SPATA13: variants seen among roughly 807,000 people sequenced by gnomAD.
SPATA13 encodes the protein spermatogenesis-associated protein 13.
In SPATA13, 50 loss-of-function variants were observed where a neutral mutation model predicts 104.0. The ratio of observed to expected loss-of-function variants is 0.48; its 90% confidence interval spans 0.38 to 0.61. The LOEUF (loss-of-function observed/expected upper bound fraction) is 0.61. SPATA13 is among the 20% of genes least tolerant of loss of function. SPATA13 has a pLI of 0.00. For synonymous variants in SPATA13, 606 were observed against 667.5 expected (o/e 0.91, Z 1.42); for missense variants, 1,524 against 1,690.6 (o/e 0.90, Z 1.73).
intron 12 of SPATA13, among the ~76,000 whole-genome samples, chr13:24,301,220 G>C (rs1877165649): frequency 6.6e-6 from 1 of 152,230 alleles, no homozygotes; most frequent in East Asian, 1.9e-4. Flanking sequence ...TACTTTAAAA[G>C]GCATTTACCC....
At chr13:24,262,580 G>C (rs538374248) in intron 4 of SPATA13, among the ~76,000 whole-genome samples, 7 of 152,296 alleles carry the variant, frequency 4.6e-5, no homozygotes, top group Middle Eastern at 3.4e-3. Flanking sequence ...CAAAAAGTGA[G>C]AGTGTAATCC....
At chr13:24,200,412 T>C (rs1441338021) in intron 1 of SPATA13, among the ~76,000 whole-genome samples, 2 of 152,124 alleles carry the variant, frequency 1.3e-5, no homozygotes, top group Admixed American at 6.6e-5. Flanking sequence ...GAGTACAGCA[T>C]GTAAGGACAA....
intron 1 of SPATA13, among the ~76,000 whole-genome samples, chr13:24,194,577 T>C (rs548409402): frequency 6.6e-6 from 1 of 152,314 alleles, no homozygotes; most frequent in African/African-American, 2.4e-5. Flanking sequence ...GAGGATTTGG[T>C]AGTCAGTGAT....
chr13:24,274,348 T>G (rs1389135908), intron 4 of SPATA13, among the ~76,000 whole-genome samples: 3 of 152,220 alleles, frequency 2.0e-5, no homozygotes, highest in Admixed American at 6.5e-5. Flanking sequence ...TCAGCCAACA[T>G]CCTTCCCCAC....
rs61316306 is a variant in SPATA13, at chr13:24,245,584, C to CTTTTT, written c.1654-3873_1654-3869dup. Among the ~76,000 whole-genome samples the CTTTTT allele has an allele frequency of 1.1e-3, 101 of 88,632 alleles. 1 individual carries two copies. The highest frequency in any genetic ancestry group is 2.5e-3 in the African/African-American group (53 of 21,020). 58.1% of individuals were successfully genotyped at this position (88,632 alleles called of 152,430 possible). ...ACTGAACGTAGAATTACAGTTGTTT[C>CTTTTT]TTTTTTTTTTTTTTTTTTTTTTTTA... On this transcript the variant is annotated intron_variant, in intron 2 of 12. Transcript: ENST00000382108.
At chr13:24,202,008 C>G (rs972282893) in intron 1 of SPATA13, among the ~76,000 whole-genome samples, 1 of 151,826 alleles carries the variant, frequency 6.6e-6, no homozygotes, top group African/African-American at 2.4e-5. Context: ...TAAGTTTCCT[C>G]TGTGTCTTTT....
In SPATA13 at chr13:24,300,288, T is replaced by C. The variant is rs1041566522; in HGVS notation, c.3584-113T>C. ...CCACGTTCTTTGAGGATTAAGGTTC[T>C]CTGTCTCAGGTTGTGGTGATAACCT... is the stretch of plus-strand genomic sequence containing the variant. On this transcript the variant is annotated intron_variant, in intron 11 of 12. Coordinates refer to ENST00000382108, the MANE Select transcript of SPATA13 (RefSeq NM_001166271.3). The C allele has an allele frequency of 8.2e-6, 6 of 735,870 alleles. No homozygotes were observed. In the African/African-American group the frequency reaches 1.1e-4, roughly 13 times the overall value. The allele number at this position is 735,870 out of a possible 1,614,324, so 45.6% of individuals were successfully genotyped here. A position where few individuals can be genotyped will look rare whatever the true frequency, so the allele number is the denominator to read the frequency against.
chr13:24,008,284 T>TTG (rs1876318816), intron 2 of SPATA13, among the ~76,000 whole-genome samples: 1 of 152,174 alleles, frequency 6.6e-6, no homozygotes, highest in Non-Finnish European at 1.5e-5. Flanking sequence ...CTCCTGAAGG[T>TTG]TGTGGGCTGA....
intron 1 of SPATA13, among the ~76,000 whole-genome samples, chr13:24,182,352 A>G (rs549637050): frequency 5.3e-5 from 8 of 152,158 alleles, no homozygotes; most frequent in Admixed American, 3.3e-4. Context: ...AAGAGGTTAA[A>G]TTGGCTCACG....
chr13:23,993,121 T>C (rs1018916196), intron 2 of SPATA13, among the ~76,000 whole-genome samples: 8 of 151,308 alleles, frequency 5.3e-5, no homozygotes, highest in Non-Finnish European at 1.2e-4. Context: ...AGTCGCTACA[T>C]AAGGAGCAAT....
At chr13:24,148,878 G>A (rs979498882) in intron 3 of SPATA13, among the ~76,000 whole-genome samples, 24 of 152,098 alleles carry the variant, frequency 1.6e-4, no homozygotes, top group African/African-American at 5.3e-4. Flanking sequence ...GTTCATTCTG[G>A]TAGAGCGGCT....
intron 4 of SPATA13, among the ~76,000 whole-genome samples, chr13:24,274,363 A>G (rs544764934): frequency 5.3e-4 from 81 of 152,234 alleles, no homozygotes; most frequent in African/African-American, 1.7e-3. Flanking sequence ...CCCCACTACC[A>G]CCACCCAACC....
At chr13:24,184,905 C>T (rs1394009689) in intron 1 of SPATA13, among the ~76,000 whole-genome samples, 4 of 152,240 alleles carry the variant, frequency 2.6e-5, no homozygotes, top group East Asian at 1.9e-4. Context: ...TTGAGTCAAG[C>T]GACGGAGTCT....
At chr13:24,040,654 G>A (rs939525889) in intron 3 of SPATA13, among the ~76,000 whole-genome samples, 4 of 152,144 alleles carry the variant, frequency 2.6e-5, no homozygotes, top group Non-Finnish European at 5.9e-5. Flanking sequence ...TTTTAATGAG[G>A]AGAAATGACT....
chr13:23,981,564 G>A lies in SPATA13; in HGVS notation c.-354+1640G>A, dbSNP rs569882321. Among the ~76,000 whole-genome samples the A allele has an allele frequency of 4.0e-3, 614 of 152,344 alleles. 5 individuals are homozygous for A. Among genetic ancestry groups the A allele is most frequent in the Non-Finnish European group, 7.2e-3 (487 of 68,034 alleles). ...ACATTCTCATTGTGAGATGCCACCA[G>A]GACAGCCCCTGCTACTGGCCAGGGC... On this transcript the variant is annotated intron_variant, in intron 1 of 14. Transcript: ENST00000424834.
At chr13:23,984,503 G>T (rs575391081) in intron 2 of SPATA13, among the ~76,000 whole-genome samples, 2 of 152,244 alleles carry the variant, frequency 1.3e-5, no homozygotes, top group Admixed American at 6.5e-5. Context: ...ATGGCCCCGC[G>T]CAGCACCTGT....
intron 1 of SPATA13, among the ~76,000 whole-genome samples, chr13:24,219,761 T>TA (rs1871465426): frequency 6.6e-6 from 1 of 152,234 alleles, no homozygotes; most frequent in Non-Finnish European, 1.5e-5. Context: ...CTGCAGTTCG[T>TA]CTCAAAGAAT....
At chr13:24,261,381 C>T (rs771311616) in intron 4 of SPATA13, among the ~76,000 whole-genome samples, 5 of 152,090 alleles carry the variant, frequency 3.3e-5, no homozygotes, top group Non-Finnish European at 5.9e-5. Context: ...CAAGTCAGAG[C>T]GACCTATGGG....
chr13:24,271,035 T>A (rs1216230453), intron 4 of SPATA13: 4 of 704,708 alleles, frequency 5.7e-6, no homozygotes, highest in Non-Finnish European at 1.0e-5. Flanking sequence ...TCTCTCTCTC[T>A]CTCTCACTCT....
Sources: allele counts gnomAD v4.1 joint callset (sites outside exome capture counted in the v4.1 genomes callset), GRCh38; gene constraint gnomAD v4.1.1; transcripts MANE v1.5; gene names NCBI Gene and HGNC (gene_info 2026-07-23, HGNC 2026-07-21).